The following CSMD3 variants were observed in gnomAD, a reference collection of about 807,000 sequenced individuals.
CSMD3 encodes the protein CUB and sushi domain-containing protein 3.
In CSMD3, 177 loss-of-function variants were observed where a neutral mutation model predicts 435.2. The observed-to-expected ratio is 0.41, with a 90% CI of 0.36 to 0.46. The LOEUF is 0.46. Ranked by LOEUF, CSMD3 falls within the 20% of genes least tolerant of loss-of-function variation. CSMD3 has a pLI of 0.34. For synonymous variants in CSMD3, 1,656 were observed against 1,520.5 expected (o/e 1.09, Z -2.07); for missense variants, 4,265 against 4,504.6 (o/e 0.95, Z 1.52).
intron 6 of CSMD3, among the ~76,000 whole-genome samples, chr8:112,995,257 A>G (rs1372527664): frequency 6.6e-6 from 1 of 151,572 alleles, no homozygotes; most frequent in Non-Finnish European, 1.5e-5. Context: ...AGAAGGGGCA[A>G]TTCAGATTGG....
At chr8:112,413,385 GT>G (rs1180393973) in intron 32 of CSMD3, among the ~76,000 whole-genome samples, 1 of 152,124 alleles carries the variant, frequency 6.6e-6, no homozygotes, top group Admixed American at 6.5e-5. Context: ...ATAAGCATTT[GT>G]TTTCTATTCT....
At chr8:113,137,629 A>G (rs972179340) in intron 4 of CSMD3, among the ~76,000 whole-genome samples, 2 of 151,736 alleles carry the variant, frequency 1.3e-5, no homozygotes, top group Non-Finnish European at 1.5e-5. Context: ...TGCATTCTCT[A>G]TACAGGAGAA....
At chr8:112,543,877 A>T (rs1451408796) in intron 27 of CSMD3, among the ~76,000 whole-genome samples, 1 of 152,192 alleles carries the variant, frequency 6.6e-6, no homozygotes, top group Non-Finnish European at 1.5e-5. Context: ...CACACAGTGG[A>T]ATACGATTTG....
rs1816657897 is a variant in CSMD3 at position 112,263,689 on chromosome 8, A to C, written c.9812T>G (p.Leu3271Trp). Residue 3271 changes from leucine (L) to tryptophan (W), a missense_variant, in exon 61 of 71, where the codon TTG (leucine) becomes TGG (tryptophan). Transcript: ENST00000297405. ...PGYELSFPAV[L>W]TCVGNGTWSG... is the part of the protein sequence containing the mutation. ...CCAGGTACCATTCCCTACACAGGTC[A>C]AAACAGCAGGGAAGGATAGCTCATA... 2 of 1,613,696 alleles carry C rather than the reference A, an allele frequency of 1.2e-6. No homozygotes were observed. The highest frequency in any genetic ancestry group is 2.2e-5 in the South Asian group (2 of 91,090).
At chr8:112,564,597 A>C (rs1446308825) in intron 24 of CSMD3, among the ~76,000 whole-genome samples, 2 of 152,060 alleles carry the variant, frequency 1.3e-5, no homozygotes, top group African/African-American at 4.8e-5. Flanking sequence ...AACTGCTGCC[A>C]CATCCAACAA....
intron 4 of CSMD3, among the ~76,000 whole-genome samples, chr8:113,140,301 C>T (rs2091516956): frequency 6.6e-6 from 1 of 150,388 alleles, no homozygotes; most frequent in Admixed American, 6.7e-5. Flanking sequence ...TTAAAAAACA[C>T]AATTATCGTT....
chr8:112,427,023 T>C (rs1399338042), intron 32 of CSMD3, among the ~76,000 whole-genome samples: 2 of 152,186 alleles, frequency 1.3e-5, no homozygotes, highest in East Asian at 3.8e-4. Flanking sequence ...CAAATATCAA[T>C]CATATCTGAC....
intron 1 of CSMD3, among the ~76,000 whole-genome samples, chr8:113,400,753 C>T (rs1167758628): frequency 6.6e-6 from 1 of 151,810 alleles, no homozygotes; most frequent in African/African-American, 2.4e-5. Flanking sequence ...AGCTTTACCA[C>T]ATATTTAAGC....
chr8:112,629,390 C>T (rs979138709), intron 22 of CSMD3, among the ~76,000 whole-genome samples: 13 of 151,986 alleles, frequency 8.6e-5, no homozygotes, highest in African/African-American at 3.1e-4. Flanking sequence ...GAAGGGGTCT[C>T]ATTATTTTGC....
At chr8:112,504,128 C>G (rs1000610181) in intron 29 of CSMD3, 151 bp from the exon 30 acceptor site, 1 of 546,474 alleles carries the variant, frequency 1.8e-6, no homozygotes, top group South Asian at 2.8e-5. Context: ...TAAAAAATCA[C>G]CTGGCAACAA....
At chr8:112,552,393 G>A (rs1225527333) in intron 26 of CSMD3, among the ~76,000 whole-genome samples, 1 of 152,002 alleles carries the variant, frequency 6.6e-6, no homozygotes, top group Non-Finnish European at 1.5e-5. Flanking sequence ...GGCTGAGGTG[G>A]GAAGATCATT....
At chr8:113,431,725 T>G (rs1478563502) in intron 1 of CSMD3, among the ~76,000 whole-genome samples, 1 of 152,094 alleles carries the variant, frequency 6.6e-6, no homozygotes, top group Admixed American at 6.5e-5. Flanking sequence ...GTTTTTTTTT[T>G]TCCGCACATG....
chr8:113,179,966 T>C (rs1486006898), intron 3 of CSMD3, among the ~76,000 whole-genome samples: 1 of 151,686 alleles, frequency 6.6e-6, no homozygotes, highest in Non-Finnish European at 1.5e-5. Context: ...ACCTTGAAAA[T>C]GGGAATGAAA....
chr8:113,180,823 A>G (rs549999866), intron 3 of CSMD3, among the ~76,000 whole-genome samples: 1 of 152,084 alleles, frequency 6.6e-6, no homozygotes, highest in South Asian at 2.1e-4. Context: ...TTCTGTTTCT[A>G]TGTGAAAATC....
intron 34 of CSMD3, among the ~76,000 whole-genome samples, chr8:112,406,954 G>A (rs756448212): frequency 6.6e-6 from 1 of 151,808 alleles, no homozygotes; most frequent in African/African-American, 2.4e-5. Flanking sequence ...TTTTACTTTT[G>A]ATTCTTTAAA....
chr8:112,266,262 C>T (rs1251351341), intron 59 of CSMD3, among the ~76,000 whole-genome samples: 1 of 152,160 alleles, frequency 6.6e-6, no homozygotes, highest in East Asian at 1.9e-4. Context: ...GACAATAGTG[C>T]AATGTGAACC....
At chr8:112,654,810 T>C (rs1465748919) in intron 18 of CSMD3, among the ~76,000 whole-genome samples, 1 of 152,206 alleles carries the variant, frequency 6.6e-6, no homozygotes, top group Non-Finnish European at 1.5e-5. Flanking sequence ...TACGATTTAC[T>C]GGGTAAAGGA....
chr8:112,418,409 A>C (rs1385037392), intron 32 of CSMD3, among the ~76,000 whole-genome samples: 1 of 152,088 alleles, frequency 6.6e-6, no homozygotes, highest in African/African-American at 2.4e-5. Context: ...TTCCCTTTTA[A>C]ATCAGTAACA....
chr8:112,702,594 G>C (rs867067103), intron 13 of CSMD3, among the ~76,000 whole-genome samples: 2 of 151,988 alleles, frequency 1.3e-5, no homozygotes, highest in Non-Finnish European at 2.9e-5. Context: ...CTTCCGGGGT[G>C]GGGGGTAAAG....
Sources: allele counts gnomAD v4.1 joint callset (sites outside exome capture counted in the v4.1 genomes callset), GRCh38; gene constraint gnomAD v4.1.1; transcripts MANE v1.5; gene names NCBI Gene and HGNC (gene_info 2026-07-23, HGNC 2026-07-21).